The following TSHZ2 variants were observed in gnomAD, a reference collection of about 807,000 sequenced individuals.
TSHZ2 encodes the protein teashirt homolog 2.
Under a neutral mutation model 74.4 loss-of-function variants are expected in TSHZ2, and 21 were observed. The ratio of observed to expected loss-of-function variants is 0.28; its 90% CI spans 0.20 to 0.41. TSHZ2 has a LOEUF of 0.41. Among genes scored for constraint, TSHZ2 ranks in the 10% least tolerant of loss-of-function variants. The pLI is 1.00. For missense variants in TSHZ2, 1,244 were observed against 1,293.5 expected, an observed-to-expected ratio of 0.96 and a Z score of 0.59; for synonymous variants, 540 against 515.3, an observed-to-expected ratio of 1.05 and a Z score of -0.65.
chr20:53,262,851 T>C (rs1349380412), intron 2 of TSHZ2, among the ~76,000 whole-genome samples: 1 of 150,286 alleles, frequency 6.7e-6, no homozygotes, highest in Non-Finnish European at 1.5e-5. Context: ...GTAAATGTTA[T>C]GTGAGGCTCA....
rs1568810799 is a variant in TSHZ2 at position 53,204,105 on chromosome 20, T to TGATATG, written c.41-49394_41-49393insGATATG. Reference sequence around the variant, plus strand: ...TTTATATCATCATATGATGATATGATATACTATATCATCATATGATGATAT... The same window carrying TGATATG: ...TTTATATCATCATATGATGATATGATGATATGATACTATATCATCATATGATGATAT... On this transcript the variant is annotated intron_variant, in intron 1 of 2. Coordinates refer to ENST00000371497, the MANE Select transcript of TSHZ2 (RefSeq NM_173485.6). Among the ~76,000 whole-genome samples the TGATATG allele has an allele frequency of 4.8e-4, 47 of 97,918 alleles. 1 individual carries two copies. Among genetic ancestry groups the TGATATG allele is most frequent in the Non-Finnish European group, 6.8e-4 (29 of 42,744 alleles). The allele number at this position is 97,918 out of a possible 152,430, so 64.2% of individuals were successfully genotyped here.
chr20:53,168,722 T>G (rs976720301), intron 1 of TSHZ2: 3 of 152,218 alleles, frequency 2.0e-5, no homozygotes, highest in Non-Finnish European at 4.4e-5. Context: ...CAACCTTCTT[T>G]CCAGGGTAGC....
chr20:53,025,704 G>C (rs996791191), intron 1 of TSHZ2, among the ~76,000 whole-genome samples: 2 of 152,152 alleles, frequency 1.3e-5, no homozygotes, highest in African/African-American at 4.8e-5. Flanking sequence ...AACACAAATA[G>C]ATATAAATTC....
chr20:53,194,294 C>G (rs935762026), intron 1 of TSHZ2, among the ~76,000 whole-genome samples: 4 of 152,224 alleles, frequency 2.6e-5, no homozygotes, highest in African/African-American at 9.6e-5. Context: ...GATTTGTAAT[C>G]TCTAAGAGCA....
intron 1 of TSHZ2, among the ~76,000 whole-genome samples, chr20:53,000,828 C>T (rs192447794): frequency 1.7e-4 from 26 of 152,162 alleles, no homozygotes; most frequent in African/African-American, 3.9e-4. Context: ...TCTCTTCCAG[C>T]GCTCTGATTC....
intron 1 of TSHZ2, among the ~76,000 whole-genome samples, chr20:53,060,712 A>G (rs1457647808): frequency 6.6e-6 from 1 of 152,214 alleles, no homozygotes; most frequent in Non-Finnish European, 1.5e-5. Context: ...AATAGAAGGA[A>G]GAGTGTTTAA....
chr20:53,229,223 A>AT (rs35897182), intron 1 of TSHZ2, among the ~76,000 whole-genome samples: 16,657 of 151,970 alleles, frequency 0.11, 1,116 homozygotes, highest in African/African-American at 0.18. Context: ...ACTTCCATCA[A>AT]TTTTTTCTTC....
chr20:53,001,226 G>GTGTGTGTGTGTGTATA lies in TSHZ2; in HGVS notation c.40+27906_40+27907insATATGTGTGTGTGTGT, dbSNP rs1555813610. On this transcript the variant is annotated intron_variant, in intron 1 of 2. Coordinates refer to ENST00000371497, the MANE Select transcript of TSHZ2 (RefSeq NM_173485.6). ...TGTGCGTGTGTGTGTGTGTGTGTGT[G>GTGTGTGTGTGTGTATA]TGTGTGTGTGTGTGTGTGTGTGTGT... 2.7e-3 allele frequency among the ~76,000 whole-genome samples: 400 copies of GTGTGTGTGTGTGTATA among 146,826 alleles called. 5 individuals are homozygous for GTGTGTGTGTGTGTATA. Among genetic ancestry groups the GTGTGTGTGTGTGTATA allele is most frequent in the African/African-American group, 9.5e-3 (379 of 39,898 alleles).
chr20:53,135,847 C>T (rs954858994), intron 1 of TSHZ2, among the ~76,000 whole-genome samples: 14 of 152,074 alleles, frequency 9.2e-5, no homozygotes, highest in Admixed American at 2.6e-4. Context: ...TCAAATGATC[C>T]TCTGACCTCA....
At chr20:53,371,802 G>A (rs1194007666) in intron 2 of TSHZ2, among the ~76,000 whole-genome samples, 1 of 151,180 alleles carries the variant, frequency 6.6e-6, no homozygotes, top group Non-Finnish European at 1.5e-5. Context: ...CTTGAACCCA[G>A]GAGGCGGGTG....
At chr20:53,391,450 T>G (rs924636064) in intron 2 of TSHZ2, among the ~76,000 whole-genome samples, 111 of 151,684 alleles carry the variant, frequency 7.3e-4, no homozygotes, top group Admixed American at 2.1e-3. Context: ...AGGCCGTTTT[T>G]TTTGTTTGTT....
intron 1 of TSHZ2, among the ~76,000 whole-genome samples, chr20:53,186,624 C>G (rs1988605440): frequency 6.6e-6 from 1 of 152,108 alleles, no homozygotes; most frequent in African/African-American, 2.4e-5. Context: ...CCGAGGTACC[C>G]CCATTATTGA....
chr20:53,261,382 G>A (rs1990598216), intron 2 of TSHZ2, among the ~76,000 whole-genome samples: 1 of 152,126 alleles, frequency 6.6e-6, no homozygotes, highest in African/African-American at 2.4e-5. Context: ...GCCATATGGT[G>A]TCTAACCAAG....
chr20:53,274,829 C>T (rs1990910056), intron 2 of TSHZ2, among the ~76,000 whole-genome samples: 1 of 152,296 alleles, frequency 6.6e-6, no homozygotes, highest in South Asian at 2.1e-4. Flanking sequence ...CTGTCTTCAT[C>T]CCCTTCCCTA....
chr20:53,319,795 A>C (rs1383403832), intron 2 of TSHZ2, among the ~76,000 whole-genome samples: 1 of 152,252 alleles, frequency 6.6e-6, no homozygotes, highest in Non-Finnish European at 1.5e-5. Context: ...ACTCACCCAA[A>C]GCCTAGAGCG....
At chr20:53,111,058 G>A (rs1335602380) in intron 1 of TSHZ2, among the ~76,000 whole-genome samples, 1 of 152,182 alleles carries the variant, frequency 6.6e-6, no homozygotes, top group African/African-American at 2.4e-5. Context: ...CAGGGAAAGA[G>A]GAAGAAAAAT....
In TSHZ2 at chr20:53,448,828, G is replaced by C. The variant is rs148291735; in HGVS notation, c.*9-38316G>C. Among the ~76,000 whole-genome samples, 806 of 152,158 alleles carry C rather than the reference G, an allele frequency of 5.3e-3. 6 individuals are homozygous for C. Among genetic ancestry groups the C allele is most frequent in the Non-Finnish European group, 8.0e-3 (546 of 68,014 alleles). ...CTCTGGACCACATATTTCTCTTCTG[G>C]AAAAGGAGACTAAAAATAACCACCT... On this transcript the variant is annotated intron_variant, in intron 2 of 2. Coordinates refer to ENST00000371497, the MANE Select transcript of TSHZ2 (RefSeq NM_173485.6).
At chr20:52,995,920 C>G (rs1338464306) in intron 1 of TSHZ2, among the ~76,000 whole-genome samples, 1 of 152,112 alleles carries the variant, frequency 6.6e-6, no homozygotes, top group Non-Finnish European at 1.5e-5. Context: ...TTGTGCCCGG[C>G]CAAGGTTATT....
chr20:53,040,438 T>C (rs1799750823), intron 1 of TSHZ2, among the ~76,000 whole-genome samples: 1 of 152,052 alleles, frequency 6.6e-6, no homozygotes, highest in Non-Finnish European at 1.5e-5. Flanking sequence ...TCAAATGCAA[T>C]GGGAGCCATG....
Sources: allele counts gnomAD v4.1 joint callset (sites outside exome capture counted in the v4.1 genomes callset), GRCh38; gene constraint gnomAD v4.1.1; transcripts MANE v1.5; gene names NCBI Gene and HGNC (gene_info 2026-07-23, HGNC 2026-07-21).